Variants in INPP5D observed in about 807,000 individuals in gnomAD.
The protein encoded by INPP5D is phosphatidylinositol 3,4,5-trisphosphate 5-phosphatase 1.
In INPP5D, 33 loss-of-function variants were observed where a neutral mutation model predicts 122.9. The ratio of observed to expected loss-of-function variants is 0.27; its 90% CI spans 0.20 to 0.36. The LOEUF (loss-of-function observed/expected upper bound fraction) is 0.36. Ranked by LOEUF, INPP5D falls within the 10% of genes least tolerant of loss-of-function variation. INPP5D has a pLI of 1.00. For synonymous variants in INPP5D, 584 were observed against 576.2 expected (o/e 1.01, Z -0.19); for missense variants, 1,053 against 1,412.7 (o/e 0.75, Z 4.08).
intron 9 of INPP5D, among the ~76,000 whole-genome samples, chr2:233,157,399 G>A (rs1489678950): frequency 6.6e-6 from 1 of 151,412 alleles, no homozygotes; most frequent in Non-Finnish European, 1.5e-5. Context: ...ACATGGAAAA[G>A]AGAGTTATAA....
intron 17 of INPP5D, among the ~76,000 whole-genome samples, chr2:233,175,521 G>A (rs1461614371): frequency 2.0e-5 from 3 of 152,076 alleles, no homozygotes; most frequent in Admixed American, 1.3e-4. Context: ...GGATGATGGC[G>A]GTTTTCTGTA....
chr2:233,153,595 A>G (rs554618485), intron 9 of INPP5D, among the ~76,000 whole-genome samples: 1 of 152,334 alleles, frequency 6.6e-6, no homozygotes, highest in Non-Finnish European at 1.5e-5. Context: ...TCAGGAACTG[A>G]GAGCCTTGGG....
Position 233,130,619 on chromosome 2 carries a change from G to A in INPP5D, c.636G>A (p.Leu212=). 3.1e-6 allele frequency: 5 copies of A among 1,613,992 alleles called. No homozygotes were observed. The highest frequency in any genetic ancestry group is 3.4e-6 in the Non-Finnish European group (4 of 1,179,898). The change falls in exon 5 of 27, where the codon CTG becomes CTA. Residue 212 remains leucine, a synonymous_variant. Coordinates refer to ENST00000445964, the MANE Select transcript of INPP5D (RefSeq NM_001017915.3). ...GCAGTCTTCCTCACCTGAAGAAACT[G>A]ACCACACTGCTCTGCAAGGAGCTCT... is the stretch of plus-strand genomic sequence containing the variant. ...GSSSLPHLKK[L]TTLLCKELYG...
Position 233,145,341 on chromosome 2 carries a change from G to A in INPP5D, c.754-821G>A, listed in dbSNP as rs1022973005. The stretch of plus-strand genomic sequence containing the variant: ...CTGAACAACTTAACGGAGCATCTTC[G>A]TTGGCCAGACACTGTTCTGAGCCCC... On this transcript the variant is annotated intron_variant, in intron 6 of 26. Transcript: ENST00000445964. The A allele has an allele frequency of 4.0e-4, 184 of 456,096 alleles. 3 individuals carry two copies. The highest frequency in any genetic ancestry group is 2.3e-3 in the South Asian group (151 of 64,564). 28.3% of individuals were successfully genotyped at this position (456,096 alleles called of 1,614,324 possible). A position where few individuals can be genotyped will look rare whatever the true frequency, so the allele number is the denominator to read the frequency against.
intron 2 of INPP5D, among the ~76,000 whole-genome samples, chr2:233,081,322 T>C (rs1691682904): frequency 6.6e-6 from 1 of 152,138 alleles, no homozygotes; most frequent in Non-Finnish European, 1.5e-5. Flanking sequence ...TCTGGCAGAG[T>C]TGGCATCTGT....
intron 2 of INPP5D, among the ~76,000 whole-genome samples, chr2:233,114,452 C>A (rs72984274): frequency 2.6e-5 from 4 of 152,164 alleles, no homozygotes; most frequent in Non-Finnish European, 4.4e-5. Context: ...TGGCCCCCAT[C>A]CCTAGTAAGA....
In INPP5D at chr2:233,203,866, G is replaced by A. The variant is rs532449101; in HGVS notation, c.2976-260G>A. ...GGGAGGCTGAGGGGAAGGACTGCTTGAGCCCAAGAGGTTGAGGCAGCAGTG... is the reference window on the plus strand; with the variant it reads ...GGGAGGCTGAGGGGAAGGACTGCTTAAGCCCAAGAGGTTGAGGCAGCAGTG... On this transcript the variant is annotated intron_variant, in intron 25 of 26. Transcript: ENST00000445964. 3.9e-5 allele frequency among the ~76,000 whole-genome samples: 6 copies of A among 152,274 alleles called. No individual in the cohort carries two copies. In the South Asian group the frequency reaches 1.2e-3, roughly 32 times the overall value.
At position 233,060,399 on chromosome 2, in the gene INPP5D, T is replaced by C. The variant is rs1404178210; in HGVS notation, c.-80T>C. 2.7e-6 allele frequency: 4 copies of C among 1,458,128 alleles called. No homozygotes were observed. Among genetic ancestry groups the C allele is most frequent in the African/African-American group, 1.4e-5 (1 of 70,812 alleles). The allele number at this position is 1,458,128 out of a possible 1,614,324, so 90.3% of individuals were successfully genotyped here. A position where few individuals can be genotyped will look rare whatever the true frequency, so the allele number is the denominator to read the frequency against. Reference sequence around the variant, plus strand: ...AGAGGCAACGGGCGGCAGGTTGCAGTGGAGGGGCCTCCGCTCCCCTCGGTG... The same window carrying C: ...AGAGGCAACGGGCGGCAGGTTGCAGCGGAGGGGCCTCCGCTCCCCTCGGTG... On this transcript the variant is annotated 5_prime_UTR_variant, in exon 1 of 27. Coordinates refer to ENST00000445964, the MANE Select transcript of INPP5D (RefSeq NM_001017915.3).
intron 1 of INPP5D, among the ~76,000 whole-genome samples, chr2:233,072,956 G>A (rs1691419308): frequency 6.6e-6 from 1 of 152,222 alleles, no homozygotes; most frequent in African/African-American, 2.4e-5. Flanking sequence ...AAGAGGCAGT[G>A]GCCAGAGCTG....
chr2:233,183,000 C>G (rs886864380), intron 19 of INPP5D, among the ~76,000 whole-genome samples: 1 of 152,042 alleles, frequency 6.6e-6, no homozygotes. Context: ...AGCACAGGTG[C>G]GTGGTAGGCA....
intron 9 of INPP5D, among the ~76,000 whole-genome samples, chr2:233,149,894 TCACCAC>T (rs754836401): frequency 6.6e-6 from 1 of 152,050 alleles, no homozygotes; most frequent in Non-Finnish European, 1.5e-5. Flanking sequence ...TCATTGACTG[TCACCAC>T]CACCACCACC....
intron 2 of INPP5D, among the ~76,000 whole-genome samples, chr2:233,106,423 G>T (rs1692471881): frequency 6.6e-6 from 1 of 152,222 alleles, no homozygotes; most frequent in Non-Finnish European, 1.5e-5. Context: ...AACTCAATGT[G>T]CCCTTAAAGC....
intron 2 of INPP5D, among the ~76,000 whole-genome samples, chr2:233,087,299 T>C (rs1248241059): frequency 6.6e-6 from 1 of 152,092 alleles, no homozygotes; most frequent in Admixed American, 6.6e-5. Context: ...CACTTGTGAC[T>C]ACCTGATTTT....
intron 17 of INPP5D, 47 bp downstream of exon 17, chr2:233,171,199 G>A (rs377447797): frequency 5.8e-5 from 92 of 1,597,708 alleles, no homozygotes; most frequent in East Asian, 1.3e-4. Context: ...TCTCCTCCCC[G>A]CTGGTGTCTG....
At chr2:233,205,085 T>C (rs140054414) in intron 26 of INPP5D, 3 of 204,542 alleles carry the variant, frequency 1.5e-5, no homozygotes, top group African/African-American at 6.9e-5. Flanking sequence ...ATTGTTATTA[T>C]AAATTTGTTT....
intron 1 of INPP5D, among the ~76,000 whole-genome samples, chr2:233,076,649 T>C (rs932942541): frequency 2.5e-4 from 38 of 152,322 alleles, no homozygotes; most frequent in African/African-American, 6.0e-4. Context: ...CCAAAATATA[T>C]TGTAGCATAT....
intron 26 of INPP5D, 37 bp downstream of exon 26, chr2:233,204,754 GTGTGTGTGCATGCGTGAGTGCGTA>G: frequency 6.9e-7 from 1 of 1,450,864 alleles, no homozygotes; most frequent in Non-Finnish European, 9.1e-7. Context: ...GTGCATTTGT[GTGTGTGTGCATGCGTGAGTGCGTA>G]TGTGTGTACC....
Position 233,095,972 on chromosome 2 carries a change from C to T in INPP5D, c.198+16574C>T, listed in dbSNP as rs527434174. Among the ~76,000 whole-genome samples, 4 of 152,234 alleles carry T rather than the reference C, an allele frequency of 2.6e-5. No homozygotes were observed. In the South Asian group the frequency reaches 6.2e-4, roughly 24 times the overall value. ...TGCTTTCTTCCCTTAGCAATCTGTC[C>T]GTGAGATGGATCCAAGTTCATTCAT... On this transcript the variant is annotated intron_variant, in intron 2 of 26. Transcript: ENST00000445964.
At chr2:233,114,056 G>GC (rs1171473581) in intron 2 of INPP5D, among the ~76,000 whole-genome samples, 2 of 152,012 alleles carry the variant, frequency 1.3e-5, no homozygotes, top group African/African-American at 2.4e-5. Flanking sequence ...GACTACAGGC[G>GC]CCACCAACAC....
Sources: gnomAD v4.1 joint callset for allele counts (sites outside exome capture counted in the v4.1 genomes callset) on GRCh38, gnomAD v4.1.1 for gene constraint, MANE v1.5 for transcripts, NCBI Gene and HGNC (gene_info 2026-07-23, HGNC 2026-07-21) for gene names.